RARB: variants seen among roughly 807,000 people sequenced by gnomAD.
RARB encodes the protein HBV-activated protein.
Under a neutral mutation model 51.9 loss-of-function variants are expected in RARB, and 17 were observed. That is an observed-to-expected ratio of 0.33 (90% confidence interval 0.22 to 0.49). The LOEUF (loss-of-function observed/expected upper bound fraction) is 0.49, where lower values mean the gene tolerates loss of function less well. RARB is among the 20% of genes least tolerant of loss of function. The pLI is 0.99. For missense variants in RARB, 369 were observed against 550.8 expected (o/e 0.67, Z 3.30); for synonymous variants, 215 against 195.4 (o/e 1.10, Z -0.84).
At chr3:25,251,884 A>C (rs1274052692) in intron 5 of RARB, among the ~76,000 whole-genome samples, 1 of 152,054 alleles carries the variant, frequency 6.6e-6, no homozygotes, top group Non-Finnish European at 1.5e-5. Context: ...AATTTATCAA[A>C]TTTGTCTTTG....
chr3:24,851,060 A>C (rs1702547862), intron 1 of RARB, among the ~76,000 whole-genome samples: 1 of 152,180 alleles, frequency 6.6e-6, no homozygotes, highest in African/African-American at 2.4e-5. Flanking sequence ...AGCTTAGAGA[A>C]AGCAGAATGG....
chr3:25,041,625 T>C (rs888761158), intron 2 of RARB, among the ~76,000 whole-genome samples: 2 of 151,964 alleles, frequency 1.3e-5, no homozygotes, highest in African/African-American at 4.8e-5. Context: ...CTAAGAATGT[T>C]TTTTTTTAAT....
At chr3:25,456,554 ATTTTTTT>A (rs35056259) in intron 1 of RARB, among the ~76,000 whole-genome samples, 70 of 44,120 alleles carry the variant, frequency 1.6e-3, no homozygotes, top group East Asian at 8.2e-3. Context: ...TATACCACTG[ATTTTTTT>A]TTTTTTTTTT....
chr3:25,276,465 A>G (rs1371770445), intron 5 of RARB, among the ~76,000 whole-genome samples: 1 of 152,246 alleles, frequency 6.6e-6, no homozygotes, highest in East Asian at 1.9e-4. Flanking sequence ...CCTAATTTGT[A>G]GAATAGGAAC....
intron 3 of RARB, among the ~76,000 whole-genome samples, chr3:25,123,069 G>A (rs552132146): frequency 6.6e-6 from 1 of 152,102 alleles, no homozygotes; most frequent in East Asian, 1.9e-4. Context: ...TCCTGCATGA[G>A]CATTGAGGTA....
At chr3:25,265,079 C>A (rs374747288) in intron 5 of RARB, among the ~76,000 whole-genome samples, 2 of 152,144 alleles carry the variant, frequency 1.3e-5, no homozygotes, top group African/African-American at 4.8e-5. Context: ...ATGCCTTGAT[C>A]TTGGACTGCC....
At chr3:25,085,955 G>T (rs1699096782) in intron 3 of RARB, among the ~76,000 whole-genome samples, 1 of 152,208 alleles carries the variant, frequency 6.6e-6, no homozygotes, top group African/African-American at 2.4e-5. Flanking sequence ...TAAAATGGAT[G>T]ATCTAGGTTG....
At chr3:25,106,451 G>GGTTTTTTTTTTTTTTTTTTTTTT (rs1575163102) in intron 3 of RARB, among the ~76,000 whole-genome samples, 2 of 70,534 alleles carry the variant, frequency 2.8e-5, no homozygotes, top group African/African-American at 6.2e-5. Flanking sequence ...ACTGTTTTTT[G>GGTTTTTTTTTTTTTTTTTTTTTT]TTTTTTGTTT....
chr3:25,557,135 A>G (rs1388824227), intron 3 of RARB, among the ~76,000 whole-genome samples: 1 of 131,754 alleles, frequency 7.6e-6, no homozygotes, highest in Non-Finnish European at 1.6e-5. Flanking sequence ...ATGGCATTGC[A>G]TTCACACACA....
intron 2 of RARB, among the ~76,000 whole-genome samples, chr3:25,043,246 C>G (rs1273971530): frequency 1.3e-5 from 2 of 152,164 alleles, no homozygotes; most frequent in Non-Finnish European, 2.9e-5. Context: ...GTTGGATTCA[C>G]AAGCTGTATT....
At chr3:25,199,807 C>T (rs181117254) in intron 5 of RARB, among the ~76,000 whole-genome samples, 24 of 151,964 alleles carry the variant, frequency 1.6e-4, no homozygotes, top group South Asian at 6.2e-4. Context: ...AGTATTCCAC[C>T]GTGTATATGT....
intron 3 of RARB, among the ~76,000 whole-genome samples, chr3:25,505,011 T>G (rs540793014): frequency 4.1e-4 from 63 of 152,266 alleles, no homozygotes; most frequent in Middle Eastern, 3.4e-3. Flanking sequence ...ACTCCTGACC[T>G]CAGGTGACCC....
intron 5 of RARB, among the ~76,000 whole-genome samples, chr3:25,297,978 C>A (rs773929379): frequency 8.6e-5 from 13 of 151,952 alleles, no homozygotes; most frequent in Non-Finnish European, 1.8e-4. Context: ...CTCTGTTTAC[C>A]TTGAGAAACT....
intron 2 of RARB, among the ~76,000 whole-genome samples, chr3:25,018,136 A>C (rs556860863): frequency 6.6e-6 from 1 of 152,302 alleles, no homozygotes; most frequent in East Asian, 1.9e-4. Context: ...GGTAGATTGG[A>C]AGTTTTATAA....
chr3:25,009,694 A>T (rs1697353428), intron 2 of RARB, among the ~76,000 whole-genome samples: 1 of 151,890 alleles, frequency 6.6e-6, no homozygotes, highest in African/African-American at 2.4e-5. Flanking sequence ...ACCACAGCTG[A>T]CCTTTGCTCA....
chr3:25,273,913 T>C (rs1703315169), intron 5 of RARB, among the ~76,000 whole-genome samples: 1 of 152,134 alleles, frequency 6.6e-6, no homozygotes, highest in Non-Finnish European at 1.5e-5. Context: ...TGTTCAGACC[T>C]CGTAGCCCAT....
intron 3 of RARB, among the ~76,000 whole-genome samples, chr3:25,112,437 T>G: frequency 6.6e-6 from 1 of 152,150 alleles, no homozygotes; most frequent in East Asian, 1.9e-4. Context: ...ATATGTTTTG[T>G]TTTTTCTCAT....
intron 2 of RARB, among the ~76,000 whole-genome samples, chr3:24,951,783 C>G (rs1167510612): frequency 6.6e-6 from 1 of 152,184 alleles, no homozygotes; most frequent in East Asian, 1.9e-4. Context: ...GTCATTTAAT[C>G]CCCACTCTTT....
intron 2 of RARB, among the ~76,000 whole-genome samples, chr3:24,927,874 GA>G (rs1203062052): frequency 1.3e-5 from 2 of 152,008 alleles, no homozygotes; most frequent in East Asian, 3.9e-4. Context: ...CAGAGAATAA[GA>G]AAATTTACTG....
Sources: allele counts gnomAD v4.1 joint callset (sites outside exome capture counted in the v4.1 genomes callset), GRCh38; gene constraint gnomAD v4.1.1; transcripts MANE v1.5; gene names NCBI Gene and HGNC (gene_info 2026-07-23, HGNC 2026-07-21).